MBTPS2: variants seen among roughly 807,000 people sequenced by gnomAD.
The protein encoded by MBTPS2 is membrane bound transcription factor peptidase, site 2, also known as membrane-bound transcription factor site-2 protease.
Under a neutral mutation model 35.4 loss-of-function variants are expected in MBTPS2, and 2 were observed. That is an observed-to-expected ratio of 0.06 (90% CI 0.02 to 0.18). The LOEUF (loss-of-function observed/expected upper bound fraction) is 0.18, where lower values mean the gene tolerates loss of function less well. Ranked by LOEUF, MBTPS2 falls within the 10% of genes least tolerant of loss-of-function variation. The pLI is 1.00. For synonymous variants in MBTPS2, 125 were observed against 140.4 expected (o/e 0.89, Z 0.77); for missense variants, 244 against 386.5 (o/e 0.63, Z 3.09).
chrX:21,841,459 G>A (rs1455202114), intron 1 of MBTPS2, among the ~76,000 whole-genome samples: 1 of 110,679 alleles, frequency 9.0e-6, no homozygotes, highest in African/African-American at 3.3e-5. Context: ...TTGGCATAGT[G>A]GTTAACGTGT....
At chrX:21,872,226 A>C (rs1469724983) in intron 7 of MBTPS2, 2 of 112,128 alleles carry the variant, frequency 1.8e-5, no homozygotes, top group Non-Finnish European at 3.8e-5. Flanking sequence ...ATTGAATTAC[A>C]AAAACCAAAG....
At chrX:21,868,737 T>C (rs2092943626) in intron 6 of MBTPS2, 152 bp downstream of exon 6, 4 of 506,201 alleles carry the variant, frequency 7.9e-6, no homozygotes, top group South Asian at 2.8e-5. Flanking sequence ...ATCTAACAAA[T>C]AATGTTGGGA....
chrX:21,876,521 C>A (rs1304108158), intron 7 of MBTPS2, among the ~76,000 whole-genome samples: 3 of 108,356 alleles, frequency 2.8e-5, no homozygotes, highest in African/African-American at 1.0e-4. Context: ...GCCAAGATCA[C>A]GCCACTATAC....
At position 21,883,033 on chromosome X, in the gene MBTPS2, T is replaced by C. The variant is rs2092961029; in HGVS notation, c.*378T>C. The stretch of plus-strand genomic sequence containing the variant: ...GGAAAAACTTCTTACAAAAGCATCA[T>C]TAATCAAAATTTGAAGGAGACCAGA... On this transcript the variant is annotated 3_prime_UTR_variant, in exon 11 of 11. Transcript: ENST00000379484. The C allele has an allele frequency of 1.2e-6, 1 of 825,742 alleles. No homozygotes were observed. Among genetic ancestry groups the C allele is most frequent in the Non-Finnish European group, 1.5e-6 (1 of 682,982 alleles). The allele number at this position is 825,742 out of a possible 1,213,427, so 68.1% of individuals were successfully genotyped here.
rs948046400 is a variant in MBTPS2 at position 21,883,366 on chromosome X, C to T, written c.*711C>T. ...CCTCATAAAGCAGCACTAGCTTTGA[C>T]ATCCACGGTGAGCTGCAGGAAGCAT... On this transcript the variant is annotated 3_prime_UTR_variant, in exon 11 of 11. Transcript: ENST00000379484. 2.4e-5 allele frequency: 18 copies of T among 754,922 alleles called. No individual in the cohort carries two copies. Among genetic ancestry groups the T allele is most frequent in the Non-Finnish European group, 2.7e-5 (17 of 639,883 alleles). 62.2% of individuals were successfully genotyped at this position (754,922 alleles called of 1,213,427 possible). A position where few individuals can be genotyped will look rare whatever the true frequency, so the allele number is the denominator to read the frequency against.
At chrX:21,866,024 C>G (rs1470084378) in intron 5 of MBTPS2, among the ~76,000 whole-genome samples, 2 of 111,025 alleles carry the variant, frequency 1.8e-5, no homozygotes. Flanking sequence ...AGGCTGGTCT[C>G]AAACTCCTGG....
chrX:21,881,865 G>A (rs2092959785), intron 10 of MBTPS2, among the ~76,000 whole-genome samples: 1 of 111,263 alleles, frequency 9.0e-6, no homozygotes, highest in Admixed American at 9.6e-5. Context: ...GAACCCGGGA[G>A]GCAGAGGTTG....
chrX:21,858,033 A>C (rs1185167119), intron 5 of MBTPS2: 1 of 126,853 alleles, frequency 7.9e-6, no homozygotes, highest in Admixed American at 9.2e-5. Flanking sequence ...ATGCTTAATA[A>C]GTCTATGTAT....
chrX:21,851,257 T>A (rs1198126708), intron 3 of MBTPS2, among the ~76,000 whole-genome samples: 2 of 112,018 alleles, frequency 1.8e-5, no homozygotes, highest in African/African-American at 6.5e-5. Context: ...CTGTTTAACC[T>A]GGTGTTTCTC....
rs1414257538 is a variant in MBTPS2 at position 21,884,845 on chromosome X, A to G, written c.*2190A>G. 20 of 705,339 alleles carry G rather than the reference A, an allele frequency of 2.8e-5. No homozygotes were observed. Among genetic ancestry groups the G allele is most frequent in the Non-Finnish European group, 3.4e-5 (20 of 595,950 alleles). The allele number at this position is 705,339 out of a possible 1,213,427, so 58.1% of individuals were successfully genotyped here. On this transcript the variant is annotated 3_prime_UTR_variant, in exon 11 of 11. Coordinates refer to ENST00000379484, the MANE Select transcript of MBTPS2 (RefSeq NM_015884.4). ...AGTAAGCTGTAAAAAGTATTATTGA[A>G]TATTTACTGTAAATATATGTTCACA... is the stretch of plus-strand genomic sequence containing the variant.
intron 5 of MBTPS2, among the ~76,000 whole-genome samples, chrX:21,862,687 T>C (rs1340003066): frequency 9.6e-6 from 1 of 104,282 alleles, no homozygotes; most frequent in African/African-American, 3.5e-5. Context: ...GGGGGGCGCC[T>C]GTAGTCCCAG....
rs1366582922 is a variant in MBTPS2, at chrX:21,882,418, C to T, written c.1338-15C>T. ...AGACCTCTCACAGTTGGTTCCTTAA[C>T]TGATTTTAACCCAGGTACCTGATTT... On this transcript the variant is annotated splice_polypyrimidine_tract_variant and intron_variant, in intron 10 of 10. Transcript: ENST00000379484. The T allele has an allele frequency of 7.6e-6, 9 of 1,183,432 alleles. No individual in the cohort carries two copies. The highest frequency in any genetic ancestry group is 1.1e-6 in the Non-Finnish European group (1 of 870,707).
At chrX:21,873,326 C>T (rs1241547459) in intron 7 of MBTPS2, among the ~76,000 whole-genome samples, 1 of 111,834 alleles carries the variant, frequency 8.9e-6, no homozygotes, top group African/African-American at 3.2e-5. Context: ...ATATTGAAGC[C>T]TCTGCTTTTA....
In MBTPS2 at chrX:21,884,191, G is replaced by A; in HGVS notation, c.*1536G>A. On this transcript the variant is annotated 3_prime_UTR_variant, in exon 11 of 11. Transcript: ENST00000379484. ...ATTTTAACATTTTATTAATGACTTGGGTCATCAGTTAATACCAGTACTAAA... is the reference window on the plus strand; with the variant it reads ...ATTTTAACATTTTATTAATGACTTGAGTCATCAGTTAATACCAGTACTAAA... The A allele has an allele frequency of 1.4e-6, 1 of 697,679 alleles. No homozygotes were observed. The highest frequency in any genetic ancestry group is 8.4e-4 in the Middle Eastern group (1 of 1,196). The allele number at this position is 697,679 out of a possible 1,213,427, so 57.5% of individuals were successfully genotyped here.
intron 5 of MBTPS2, among the ~76,000 whole-genome samples, chrX:21,859,035 C>A (rs1210274765): frequency 9.1e-6 from 1 of 110,416 alleles, no homozygotes; most frequent in African/African-American, 3.3e-5. Flanking sequence ...GTGAAACCAT[C>A]CCCCGGCTAC....
intron 5 of MBTPS2, among the ~76,000 whole-genome samples, chrX:21,862,946 AT>A (rs749435815): frequency 4.0e-5 from 2 of 50,444 alleles, no homozygotes; most frequent in African/African-American, 1.7e-4. Flanking sequence ...ATATATATAT[AT>A]ATATATATAT....
intron 3 of MBTPS2, among the ~76,000 whole-genome samples, chrX:21,848,382 G>A (rs1237955551): frequency 9.1e-6 from 1 of 109,751 alleles, no homozygotes; most frequent in Non-Finnish European, 1.9e-5. Context: ...TCACACCATT[G>A]CACTCCAGCC....
intron 7 of MBTPS2, among the ~76,000 whole-genome samples, chrX:21,874,108 C>T (rs1212373691): frequency 2.9e-5 from 3 of 102,717 alleles, no homozygotes; most frequent in Non-Finnish European, 5.9e-5. Context: ...GCAACCTCTG[C>T]CTCCCTGGTT....
intron 5 of MBTPS2, chrX:21,857,666 T>C (rs894870561): frequency 9.4e-7 from 1 of 1,067,942 alleles, no homozygotes. Context: ...GGAATAAATA[T>C]GCCTCTCAAA....
Sources: allele counts gnomAD v4.1 joint callset (sites outside exome capture counted in the v4.1 genomes callset), GRCh38; gene constraint gnomAD v4.1.1; transcripts MANE v1.5; gene names NCBI Gene and HGNC (gene_info 2026-07-23, HGNC 2026-07-21).